MTMR9: variants seen among roughly 807,000 people sequenced by gnomAD.
MTMR9 encodes myotubularin-related protein 9.
Under a neutral mutation model 69.5 loss-of-function variants are expected in MTMR9, and 39 were observed. The ratio of observed to expected loss-of-function variants is 0.56; its 90% CI spans 0.43 to 0.73. MTMR9 has a LOEUF of 0.73. Among genes scored for constraint, MTMR9 ranks in the 30% least tolerant of loss-of-function variants. MTMR9 has a pLI of 0.00. For synonymous variants in MTMR9, 354 were observed against 240.8 expected, an observed-to-expected ratio of 1.47 and a Z score of -4.35; for missense variants, 900 against 671.2, an observed-to-expected ratio of 1.34 and a Z score of -3.77.
At position 11,319,689 on chromosome 8, in the gene MTMR9, G is replaced by A. The variant is rs1800584462; in HGVS notation, c.1337G>A (p.Cys446Tyr). 3.1e-6 allele frequency: 5 copies of A among 1,613,564 alleles called. No homozygotes were observed. Among genetic ancestry groups the A allele is most frequent in the South Asian group, 1.1e-5 (1 of 91,048 alleles). The change falls in exon 9 of 10, where the codon TGT becomes TAT. Residue 446 changes from cysteine (C) to tyrosine (Y), a missense_variant and splice_region_variant. Transcript: ENST00000221086. ...TGGCAGTGTTCTTTCTTGATCAGAT[G>A]TAAGTTGAAGCTACAGCAGAAGACG... is the stretch of plus-strand genomic sequence containing the variant. ...TFLGNNESER[C>Y]KLKLQQKTMS...
At chr8:11,335,996 C>G in the MTMR9 span, among the ~76,000 whole-genome samples, 1 of 152,156 alleles carries the variant, frequency 6.6e-6, no homozygotes. Flanking sequence ...GAATAACATT[C>G]TATCCTCAGG....
chr8:11,299,269 G>A (rs1296478796), intron 2 of MTMR9, among the ~76,000 whole-genome samples: 1 of 152,186 alleles, frequency 6.6e-6, no homozygotes, highest in African/African-American at 2.4e-5. Context: ...GGCGGAGGCT[G>A]CAGTGAGCCG....
intron 1 of MTMR9, among the ~76,000 whole-genome samples, chr8:11,291,452 A>G (rs1295739254): frequency 3.9e-5 from 6 of 152,162 alleles, no homozygotes; most frequent in African/African-American, 7.2e-5. Flanking sequence ...GGATGGGACA[A>G]TAAGGACAAA....
At chr8:11,330,611 C>G (rs1199498386), downstream of MTMR9, among the ~76,000 whole-genome samples, 1 of 152,196 alleles carries the variant, frequency 6.6e-6, no homozygotes, top group African/African-American at 2.4e-5. Flanking sequence ...TGATCTGTGA[C>G]CTTGACCCCA....
downstream of MTMR9, chr8:11,331,657 C>G: frequency 6.2e-7 from 1 of 1,611,486 alleles, no homozygotes; most frequent in South Asian, 1.1e-5. Context: ...CAGGAGGGGA[C>G]CACAGGTGTC....
In MTMR9 at chr8:11,316,763, G is replaced by T. The variant is rs1452054196; in HGVS notation, c.1204G>T (p.Asp402Tyr). 1.2e-6 allele frequency: 2 copies of T among 1,613,738 alleles called. No individual in the cohort carries two copies. Among genetic ancestry groups the T allele is most frequent in the Non-Finnish European group, 1.7e-6 (2 of 1,179,948 alleles). ...GGCTCCTGTATTTCTTCTCTTCTTG[G>T]ACTGCGTGTGGCAGATCCTTCGTCA... ...WEAPVFLLFL[D>Y]CVWQILRQFP... The change falls in exon 8 of 10, where the codon GAC becomes TAC. Residue 402 changes from aspartate to tyrosine, a missense_variant. Physicochemically the swap from Asp to Tyr is radical, Grantham distance 160 (BLOSUM62 -3). Coordinates refer to ENST00000221086, the MANE Select transcript of MTMR9 (RefSeq NM_015458.4).
At chr8:11,304,379 A>G (rs907891609) in intron 3 of MTMR9, among the ~76,000 whole-genome samples, 2 of 152,222 alleles carry the variant, frequency 1.3e-5, no homozygotes, top group African/African-American at 4.8e-5. Context: ...AGGATCATTA[A>G]CAAACTAAAT....
rs77315179 is a variant in MTMR9, at chr8:11,285,546, A to G, written c.182+476A>G. Among the ~76,000 whole-genome samples the G allele has an allele frequency of 2.4e-3, 364 of 152,294 alleles. 3 individuals are homozygous for G. The highest frequency in any genetic ancestry group is 8.5e-3 in the African/African-American group (354 of 41,562). On this transcript the variant is annotated intron_variant, in intron 1 of 9. Transcript: ENST00000221086. The stretch of plus-strand genomic sequence containing the variant: ...TTAATTTCTGAAAAATGTTCAGTGT[A>G]TCATATTATTTCTTACCTTCTGGGT...
At chr8:11,322,601 G>C in intron 9 of MTMR9, 24 bp from the exon 10 acceptor site, 1 of 1,607,966 alleles carries the variant, frequency 6.2e-7, no homozygotes, top group Non-Finnish European at 8.5e-7. Flanking sequence ...TCTTGCTTCT[G>C]TTTTCCATTC....
Position 11,285,018 on chromosome 8 carries a change from A to G in MTMR9, c.130A>G (p.Asn44Asp), listed in dbSNP as rs1465883075. Residue 44 changes from asparagine (N) to aspartate (D), a missense_variant, in exon 1 of 10, where the codon AAT (asparagine) becomes GAT (aspartate). Coordinates refer to ENST00000221086, the MANE Select transcript of MTMR9 (RefSeq NM_015458.4). ...HHLILSSRQD[N>D]TEELWLLHSN... ...CTTGATCCTGTCCTCCCGGCAGGAC[A>G]ATACGGAGGAGCTGTGGCTCCTCCA... 24 of 1,613,122 alleles carry G rather than the reference A, an allele frequency of 1.5e-5. No individual in the cohort carries two copies. Among genetic ancestry groups the G allele is most frequent in the Non-Finnish European group, 2.0e-5 (24 of 1,179,666 alleles).
chr8:11,287,546 C>T (rs1172935327), intron 1 of MTMR9, among the ~76,000 whole-genome samples: 1 of 151,454 alleles, frequency 6.6e-6, no homozygotes, highest in Admixed American at 6.6e-5. Context: ...TCTTTACATC[C>T]ACCTGTTTTC....
rs1266097778 is a variant in MTMR9, at chr8:11,288,276, AG to A, written c.182+3207del. On this transcript the variant is annotated intron_variant, in intron 1 of 9. Transcript: ENST00000221086. ...TTATAATAATTATATATTATAATAT[AG>A]TATAATATAGCATATAATATATATT... 7.5e-3 allele frequency among the ~76,000 whole-genome samples: 1,035 copies of A among 138,408 alleles called. 8 individuals are homozygous for A. Among genetic ancestry groups the A allele is most frequent in the African/African-American group, 0.026 (967 of 37,400 alleles). 90.8% of individuals were successfully genotyped at this position (138,408 alleles called of 152,430 possible).
chr8:11,303,497 A>G (rs527796603), intron 3 of MTMR9, among the ~76,000 whole-genome samples: 1 of 152,202 alleles, frequency 6.6e-6, no homozygotes, highest in South Asian at 2.1e-4. Flanking sequence ...TTTTTTTAAA[A>G]ATAATAAATC....
chr8:11,338,764 C>T, the MTMR9 span, among the ~76,000 whole-genome samples: 1 of 152,142 alleles, frequency 6.6e-6, no homozygotes, highest in Non-Finnish European at 1.5e-5. Context: ...TATTCTAAGA[C>T]CCAGAGTCTG....
chr8:11,318,172 A>G (rs1800509811), intron 8 of MTMR9: 1 of 152,194 alleles, frequency 6.6e-6, no homozygotes, highest in Admixed American at 6.5e-5. Flanking sequence ...TCAAGAAGGG[A>G]TCAAAATAGA....
the MTMR9 span, among the ~76,000 whole-genome samples, chr8:11,334,756 TTTAAATG>T: frequency 1.3e-5 from 2 of 152,190 alleles, no homozygotes; most frequent in African/African-American, 2.4e-5. Context: ...GCAAGGCTGA[TTTAAATG>T]TTAAATGTTA....
chr8:11,331,881 G>A (rs201648774), downstream of MTMR9: 28 of 1,612,060 alleles, frequency 1.7e-5, no homozygotes, highest in Non-Finnish European at 2.3e-5. Context: ...TGTGGGGGCA[G>A]AGGGGATCCT....
intron 6 of MTMR9, among the ~76,000 whole-genome samples, chr8:11,311,653 T>C (rs1800202226): frequency 1.3e-5 from 2 of 152,236 alleles, no homozygotes; most frequent in Non-Finnish European, 2.9e-5. Context: ...GGCTGCTGAC[T>C]GATCAGGGTG....
At chr8:11,301,913 G>C (rs1359885084) in intron 3 of MTMR9, among the ~76,000 whole-genome samples, 1 of 152,096 alleles carries the variant, frequency 6.6e-6, no homozygotes, top group East Asian at 1.9e-4. Flanking sequence ...ACACATGCAT[G>C]CTTAATAAAG....
Sources: allele counts gnomAD v4.1 joint callset (sites outside exome capture counted in the v4.1 genomes callset), GRCh38; gene constraint gnomAD v4.1.1; transcripts MANE v1.5; gene names NCBI Gene and HGNC (gene_info 2026-07-23, HGNC 2026-07-21).